PTPRM: variants seen among roughly 807,000 people sequenced by gnomAD.
PTPRM encodes the protein protein tyrosine phosphatase receptor type M.
Under a neutral mutation model 186.7 loss-of-function variants are expected in PTPRM, and 47 were observed. The ratio of observed to expected loss-of-function variants is 0.25; its 90% confidence interval spans 0.20 to 0.32. PTPRM has a LOEUF of 0.32. PTPRM is among the 10% of genes least tolerant of loss of function. PTPRM has a pLI of 1.00. For synonymous variants in PTPRM, 668 were observed against 674.9 expected (o/e 0.99, Z 0.16); for missense variants, 1,494 against 1,865.0 (o/e 0.80, Z 3.66).
intron 6 of PTPRM, among the ~76,000 whole-genome samples, chr18:7,950,100 A>G (rs1177930453): frequency 1.3e-5 from 2 of 152,194 alleles, no homozygotes; most frequent in African/African-American, 4.8e-5. Flanking sequence ...TGCTTTAAGA[A>G]AAGTTTTCCC....
At chr18:8,272,866 G>T (rs934846323) in intron 19 of PTPRM, among the ~76,000 whole-genome samples, 1 of 152,014 alleles carries the variant, frequency 6.6e-6, no homozygotes, top group Non-Finnish European at 1.5e-5. Context: ...GTTGAAAGAG[G>T]TAATATATTT....
At chr18:7,651,930 C>T (rs1259215403) in intron 1 of PTPRM, among the ~76,000 whole-genome samples, 2 of 151,890 alleles carry the variant, frequency 1.3e-5, no homozygotes, top group Admixed American at 6.6e-5. Flanking sequence ...AGAGCTTCTG[C>T]ACAGCAAAAG....
chr18:7,703,457 G>C (rs1017280253), intron 1 of PTPRM, among the ~76,000 whole-genome samples: 1 of 152,136 alleles, frequency 6.6e-6, no homozygotes, highest in Non-Finnish European at 1.5e-5. Context: ...GTTCACTCAT[G>C]GTTTGCCTCT....
chr18:8,176,411 T>C (rs1251684590), intron 14 of PTPRM, among the ~76,000 whole-genome samples: 1 of 152,220 alleles, frequency 6.6e-6, no homozygotes, highest in Non-Finnish European at 1.5e-5. Context: ...TTTCCACATC[T>C]CTCATTCCCT....
chr18:7,998,307 C>T (rs1023467900), intron 7 of PTPRM, among the ~76,000 whole-genome samples: 1 of 151,974 alleles, frequency 6.6e-6, no homozygotes, highest in Non-Finnish European at 1.5e-5. Context: ...AGGTTCTACT[C>T]ATATGTTGGA....
intron 32 of PTPRM, among the ~76,000 whole-genome samples, chr18:8,399,044 T>C (rs2095858699): frequency 6.6e-6 from 1 of 152,168 alleles, no homozygotes. Flanking sequence ...CACATTTAAT[T>C]TGAAGGTCTA....
At chr18:8,213,124 G>A (rs957601893) in intron 14 of PTPRM, among the ~76,000 whole-genome samples, 3 of 152,186 alleles carry the variant, frequency 2.0e-5, no homozygotes, top group Non-Finnish European at 4.4e-5. Context: ...ACTTGCCTGT[G>A]AGTCATGAAC....
intron 1 of PTPRM, among the ~76,000 whole-genome samples, chr18:7,616,483 C>G (rs571302826): frequency 6.6e-6 from 1 of 152,284 alleles, no homozygotes; most frequent in South Asian, 2.1e-4. Context: ...TCACTCCACA[C>G]CTGACCAGGG....
intron 2 of PTPRM, among the ~76,000 whole-genome samples, chr18:7,821,554 C>T (rs2045196868): frequency 6.6e-6 from 1 of 152,028 alleles, no homozygotes. Flanking sequence ...CCTATATATA[C>T]TATGTTTTTT....
intron 5 of PTPRM, among the ~76,000 whole-genome samples, chr18:7,935,871 A>G (rs1295037397): frequency 6.6e-6 from 1 of 152,070 alleles, no homozygotes; most frequent in Non-Finnish European, 1.5e-5. Flanking sequence ...TTTTAAAACT[A>G]CTGGTCAGGT....
At chr18:7,873,838 T>C (rs2048094999) in intron 2 of PTPRM, among the ~76,000 whole-genome samples, 1 of 152,220 alleles carries the variant, frequency 6.6e-6, no homozygotes, top group African/African-American at 2.4e-5. Flanking sequence ...TTGCTTAGTA[T>C]TTATATTCAA....
intron 27 of PTPRM, 59 bp from the exon 28 acceptor site, chr18:8,379,108 G>A (rs2095715064): frequency 1.3e-5 from 19 of 1,449,482 alleles, no homozygotes; most frequent in Admixed American, 4.1e-5. Flanking sequence ...AAAACTGCAC[G>A]TGAGAGGAGT....
chr18:7,749,734 G>A (rs562767629), intron 1 of PTPRM, among the ~76,000 whole-genome samples: 1 of 152,296 alleles, frequency 6.6e-6, no homozygotes, highest in African/African-American at 2.4e-5. Context: ...TGGATCTACT[G>A]CCTTGTGGTT....
intron 1 of PTPRM, among the ~76,000 whole-genome samples, chr18:7,577,693 GAA>G (rs1219142746): frequency 6.6e-6 from 1 of 152,108 alleles, no homozygotes; most frequent in East Asian, 1.9e-4. Flanking sequence ...CTCAACTTCT[GAA>G]GTCTTGAACA....
At chr18:7,910,339 A>T (rs1378851619) in intron 4 of PTPRM, among the ~76,000 whole-genome samples, 1 of 152,206 alleles carries the variant, frequency 6.6e-6, no homozygotes, top group Non-Finnish European at 1.5e-5. Flanking sequence ...TTGAACAAAG[A>T]ATTGGACAAA....
Position 8,379,447 on chromosome 18 carries a change from GAC to G in PTPRM, c.3786+111_3786+112del, listed in dbSNP as rs1276051912. 5 of 1,185,674 alleles carry G rather than the reference GAC, an allele frequency of 4.2e-6. No homozygotes were observed. The African/African-American group carries it at 4.7e-5, about 11-fold the overall frequency. 73.4% of individuals were successfully genotyped at this position (1,185,674 alleles called of 1,614,324 possible). On this transcript the variant is annotated intron_variant, in intron 28 of 32. Coordinates refer to ENST00000580170, the MANE Select transcript of PTPRM (RefSeq NM_001105244.2). Reference sequence around the variant, plus strand: ...GCTCACCAGCCCTTTTGTTTTTTAAGACACAAACTTTTTTTTCCAACAAAAAA... The same window carrying G: ...GCTCACCAGCCCTTTTGTTTTTTAAGACAAACTTTTTTTTCCAACAAAAAA...
chr18:8,090,145 G>A (rs1313885052), intron 11 of PTPRM, among the ~76,000 whole-genome samples: 1 of 152,302 alleles, frequency 6.6e-6, no homozygotes, highest in East Asian at 1.9e-4. Context: ...CTGAGAGGTT[G>A]CACTAATCCA....
At chr18:8,376,318 T>C in intron 25 of PTPRM, 118 bp downstream of exon 25, 1 of 1,528,908 alleles carries the variant, frequency 6.5e-7, no homozygotes, top group South Asian at 1.2e-5. Flanking sequence ...CACAACATTT[T>C]GGGAGCACTA....
chr18:8,324,590 T>G (rs1267124647), intron 22 of PTPRM, among the ~76,000 whole-genome samples: 1 of 152,220 alleles, frequency 6.6e-6, no homozygotes, highest in Admixed American at 6.5e-5. Flanking sequence ...CTTCCTAAAC[T>G]TATTTCAGGT....
Sources: gnomAD v4.1 joint callset for allele counts (sites outside exome capture counted in the v4.1 genomes callset) on GRCh38, gnomAD v4.1.1 for gene constraint, MANE v1.5 for transcripts, NCBI Gene and HGNC (gene_info 2026-07-23, HGNC 2026-07-21) for gene names.